Variants in ANO2 observed in about 807,000 individuals in gnomAD.
ANO2 encodes anoctamin-2.
Under a neutral mutation model 124.2 loss-of-function variants are expected in ANO2, and 101 were observed. That is an observed-to-expected ratio of 0.81 (90% confidence interval 0.69 to 0.96). ANO2 has a LOEUF of 0.96. Ranked by LOEUF, ANO2 falls within the 40% of genes least tolerant of loss-of-function variation. The probability of loss-of-function intolerance (pLI) is 0.00; values close to 1 mark genes in which losing one functional copy is unlikely to be tolerated. For synonymous variants in ANO2, 486 were observed against 482.5 expected, an observed-to-expected ratio of 1.01 and a Z score of -0.09; for missense variants, 1,293 against 1,274.5, an observed-to-expected ratio of 1.01 and a Z score of -0.22.
At chr12:5,756,904 G>C (rs890439009) in intron 10 of ANO2, among the ~76,000 whole-genome samples, 1 of 152,262 alleles carries the variant, frequency 6.6e-6, no homozygotes, top group African/African-American at 2.4e-5. Context: ...AAGTGGTCAT[G>C]CCATTGGGGA....
At chr12:5,887,825 C>G (rs542870504) in intron 3 of ANO2, among the ~76,000 whole-genome samples, 1 of 151,752 alleles carries the variant, frequency 6.6e-6, no homozygotes, top group Non-Finnish European at 1.5e-5. Flanking sequence ...AACATGCCCC[C>G]CGGTTTTTTT....
intron 3 of ANO2, among the ~76,000 whole-genome samples, chr12:5,871,851 T>C (rs1937725052): frequency 1.3e-5 from 2 of 152,144 alleles, no homozygotes; most frequent in South Asian, 2.1e-4. Flanking sequence ...CATCCATGTC[T>C]CCTAAACTCA....
At chr12:5,685,790 A>C (rs1240185494) in intron 14 of ANO2, among the ~76,000 whole-genome samples, 4 of 127,934 alleles carry the variant, frequency 3.1e-5, no homozygotes, top group African/African-American at 5.0e-5. Context: ...AACAACAACA[A>C]AACAAAACAA....
rs143718231 is a variant in ANO2 at position 5,825,390 on chromosome 12, C to T, written c.892+2379G>A. On this transcript the variant is annotated intron_variant, in intron 7 of 24. Transcript: ENST00000682330. ...TATATGGTACTGTTTCTCCCATAGCCAGGATTCACGGGTCCAAGAATCAAG... is the reference window on the plus strand; with the variant it reads ...TATATGGTACTGTTTCTCCCATAGCTAGGATTCACGGGTCCAAGAATCAAG... Among the ~76,000 whole-genome samples, 96 of 152,270 alleles carry T rather than the reference C, an allele frequency of 6.3e-4. 1 individual carries two copies. The highest frequency in any genetic ancestry group is 2.2e-3 in the African/African-American group (92 of 41,552).
intron 1 of ANO2, among the ~76,000 whole-genome samples, chr12:5,923,162 ATACACACACACG>A: frequency 2.8e-4 from 16 of 57,294 alleles, no homozygotes; most frequent in African/African-American, 7.3e-4. Flanking sequence ...ACACACACGC[ATACACACACACG>A]CACACACACA....
At chr12:5,919,665 G>A (rs1057128258) in intron 3 of ANO2, among the ~76,000 whole-genome samples, 9 of 152,002 alleles carry the variant, frequency 5.9e-5, no homozygotes, top group African/African-American at 2.2e-4. Flanking sequence ...GGGAAGGGTA[G>A]GAATGAGTTT....
chr12:5,891,933 G>T (rs1298472566), intron 3 of ANO2, among the ~76,000 whole-genome samples: 1 of 152,116 alleles, frequency 6.6e-6, no homozygotes, highest in Non-Finnish European at 1.5e-5. Context: ...GAAATCTTTT[G>T]TGAGAAATGA....
intron 14 of ANO2, among the ~76,000 whole-genome samples, chr12:5,721,610 AT>A (rs1950240530): frequency 6.6e-6 from 1 of 151,802 alleles, no homozygotes; most frequent in African/African-American, 2.4e-5. Context: ...GGCTCAAGCC[AT>A]CCTCCTGCCT....
intron 10 of ANO2, among the ~76,000 whole-genome samples, chr12:5,780,848 A>G (rs903541438): frequency 1.3e-5 from 2 of 152,354 alleles, no homozygotes; most frequent in Middle Eastern, 3.4e-3. Context: ...GTTCCTGGAA[A>G]CAGCTTTTGG....
At chr12:5,834,046 G>A (rs561043135) in intron 4 of ANO2, among the ~76,000 whole-genome samples, 6 of 152,018 alleles carry the variant, frequency 3.9e-5, no homozygotes, top group African/African-American at 1.4e-4. Context: ...CCAAGCAGCA[G>A]GCATACAACT....
chr12:5,921,804 C>T (rs1001612734), intron 2 of ANO2, among the ~76,000 whole-genome samples: 1 of 152,162 alleles, frequency 6.6e-6, no homozygotes. Context: ...GGTGAAGGGG[C>T]CTGTGTACAC....
chr12:5,708,690 A>G (rs1426832812), intron 14 of ANO2, among the ~76,000 whole-genome samples: 2 of 152,216 alleles, frequency 1.3e-5, no homozygotes, highest in African/African-American at 4.8e-5. Flanking sequence ...CCTACCTCAT[A>G]AGCCCCATGT....
intron 4 of ANO2, among the ~76,000 whole-genome samples, chr12:5,845,756 C>T (rs1954666891): frequency 6.6e-6 from 1 of 152,088 alleles, no homozygotes; most frequent in South Asian, 2.1e-4. Context: ...CTGACTATCT[C>T]CTTCAAGGTG....
intron 7 of ANO2, among the ~76,000 whole-genome samples, chr12:5,815,762 T>A (rs1271685574): frequency 2.0e-5 from 3 of 152,192 alleles, no homozygotes; most frequent in African/African-American, 7.2e-5. Flanking sequence ...GGTTCTTATT[T>A]TTCAATTTAT....
chr12:5,668,166 A>G (rs1195169033), intron 14 of ANO2, among the ~76,000 whole-genome samples: 1 of 152,226 alleles, frequency 6.6e-6, no homozygotes, highest in African/African-American at 2.4e-5. Flanking sequence ...TGACATTCCC[A>G]CCAACAGTGT....
chr12:5,881,073 C>G (rs1938471253), intron 3 of ANO2, among the ~76,000 whole-genome samples: 2 of 152,186 alleles, frequency 1.3e-5, no homozygotes, highest in East Asian at 3.9e-4. Flanking sequence ...TCAGAGCATC[C>G]CTTCCAGAAT....
intron 10 of ANO2, among the ~76,000 whole-genome samples, chr12:5,761,440 A>T (rs1409081619): frequency 6.6e-6 from 1 of 152,200 alleles, no homozygotes; most frequent in Non-Finnish European, 1.5e-5. Flanking sequence ...GGTAAAAAAA[A>T]ATTGGCCATC....
At chr12:5,768,600 C>G (rs1951971082) in intron 10 of ANO2, among the ~76,000 whole-genome samples, 1 of 152,232 alleles carries the variant, frequency 6.6e-6, no homozygotes, top group Non-Finnish European at 1.5e-5. Flanking sequence ...GGACTCACAG[C>G]CACAGCCCCT....
chr12:5,726,122 T>C (rs1375072077), intron 14 of ANO2, among the ~76,000 whole-genome samples: 1 of 151,498 alleles, frequency 6.6e-6, no homozygotes, highest in Non-Finnish European at 1.5e-5. Context: ...TAGAAAAGAT[T>C]CAAACTGATT....
Sources: allele counts gnomAD v4.1 joint callset (sites outside exome capture counted in the v4.1 genomes callset), GRCh38; gene constraint gnomAD v4.1.1; transcripts MANE v1.5; gene names NCBI Gene and HGNC (gene_info 2026-07-23, HGNC 2026-07-21).